The following SMYD3 variants were observed in gnomAD, a reference collection of about 807,000 sequenced individuals.
The protein encoded by SMYD3 is SET and MYND domain containing 3.
Under a neutral mutation model 57.7 loss-of-function variants are expected in SMYD3, and 36 were observed. That is an observed-to-expected ratio of 0.62 (90% CI 0.48 to 0.82). SMYD3 has a LOEUF of 0.82. Ranked by LOEUF, SMYD3 falls within the 40% of genes least tolerant of loss-of-function variation. SMYD3 has a pLI of 0.00. For missense variants in SMYD3, 515 were observed against 538.8 expected (o/e 0.96, Z 0.44); for synonymous variants, 211 against 195.0 (o/e 1.08, Z -0.68).
intron 5 of SMYD3, among the ~76,000 whole-genome samples, chr1:246,306,863 T>C (rs2064987816): frequency 6.6e-6 from 1 of 152,206 alleles, no homozygotes; most frequent in Non-Finnish European, 1.5e-5. Flanking sequence ...TAAGTGACTC[T>C]GTGGTTCCTG....
At chr1:246,057,056 C>T (rs577584753) in intron 5 of SMYD3, among the ~76,000 whole-genome samples, 5 of 152,108 alleles carry the variant, frequency 3.3e-5, no homozygotes, top group African/African-American at 4.8e-5. Flanking sequence ...CCAGCTACTC[C>T]GGAAGCTGTG....
intron 5 of SMYD3, among the ~76,000 whole-genome samples, chr1:246,008,146 C>T (rs1398576429): frequency 6.6e-6 from 1 of 152,224 alleles, no homozygotes; most frequent in Non-Finnish European, 1.5e-5. Context: ...TTCTCTCAGC[C>T]TTTCCTTACC....
intron 5 of SMYD3, among the ~76,000 whole-genome samples, chr1:246,197,881 T>A (rs1349249574): frequency 6.6e-6 from 1 of 152,200 alleles, no homozygotes; most frequent in Non-Finnish European, 1.5e-5. Flanking sequence ...TAAAGTCTAT[T>A]TAAAAAATTT....
chr1:246,272,626 A>G (rs12042203), intron 5 of SMYD3, among the ~76,000 whole-genome samples: 21,377 of 151,992 alleles, frequency 0.14, 2,061 homozygotes, highest in East Asian at 0.42. Flanking sequence ...GCAGTCTGGG[A>G]ATAAATGCCA....
At chr1:245,903,458 C>A (rs1461405460) in intron 8 of SMYD3, among the ~76,000 whole-genome samples, 1 of 152,112 alleles carries the variant, frequency 6.6e-6, no homozygotes, top group Non-Finnish European at 1.5e-5. Flanking sequence ...ATTGCCCCCA[C>A]CCCCACAAGG....
intron 8 of SMYD3, among the ~76,000 whole-genome samples, chr1:245,864,093 A>G (rs556834874): frequency 6.6e-6 from 1 of 152,338 alleles, no homozygotes; most frequent in African/African-American, 2.4e-5. Flanking sequence ...AAGACAGGAT[A>G]ACAGCAAAGG....
chr1:246,369,635 T>C (rs1041160244), intron 1 of SMYD3, among the ~76,000 whole-genome samples: 3 of 152,152 alleles, frequency 2.0e-5, no homozygotes, highest in African/African-American at 7.2e-5. Flanking sequence ...CAGGTGATTC[T>C]CCTACCTCAG....
At chr1:245,826,047 A>T (rs2049472980) in intron 10 of SMYD3, among the ~76,000 whole-genome samples, 2 of 54,052 alleles carry the variant, frequency 3.7e-5, no homozygotes, top group Non-Finnish European at 5.2e-5. Flanking sequence ...ATATTTGTTA[A>T]ATAAAAATGG....
Position 246,248,633 on chromosome 1 carries a change from TTC to T in SMYD3, c.531+78566_531+78567del, listed in dbSNP as rs1404803731. ...CCAGTTATGCAAAAGCTCTCTGACT[TTC>T]CTTTTTTTTTTTTTTTTTTTTTTTG... On this transcript the variant is annotated intron_variant, in intron 5 of 11. Transcript: ENST00000490107. Among the ~76,000 whole-genome samples the T allele has an allele frequency of 5.2e-3, 504 of 96,176 alleles. 7 individuals carry two copies. Among genetic ancestry groups the T allele is most frequent in the East Asian group, 0.019 (26 of 1,346 alleles). 63.1% of individuals were successfully genotyped at this position (96,176 alleles called of 152,430 possible).
At chr1:245,949,968 C>T (rs1407320697) in intron 5 of SMYD3, among the ~76,000 whole-genome samples, 1 of 152,044 alleles carries the variant, frequency 6.6e-6, no homozygotes, top group Non-Finnish European at 1.5e-5. Flanking sequence ...GCACAAGTCA[C>T]TGTCTGTGGA....
chr1:246,141,597 A>C (rs1363287182), intron 5 of SMYD3, among the ~76,000 whole-genome samples: 4 of 152,188 alleles, frequency 2.6e-5, no homozygotes, highest in Non-Finnish European at 4.4e-5. Flanking sequence ...GTGTGCTAGA[A>C]ACTGTGGTAA....
chr1:245,765,046 A>G (rs78917623), intron 10 of SMYD3, among the ~76,000 whole-genome samples: 807 of 39,094 alleles, frequency 0.021, 7 homozygotes, highest in African/African-American at 0.061. Context: ...GGAAATGCCT[A>G]CACACACACA....
At chr1:246,260,803 G>T (rs1350273434) in intron 5 of SMYD3, among the ~76,000 whole-genome samples, 1 of 151,472 alleles carries the variant, frequency 6.6e-6, no homozygotes, top group African/African-American at 2.4e-5. Context: ...AAGTGGCTGA[G>T]GCATGCTACA....
At chr1:246,266,705 T>C (rs529113733) in intron 5 of SMYD3, among the ~76,000 whole-genome samples, 1 of 151,994 alleles carries the variant, frequency 6.6e-6, no homozygotes, top group East Asian at 1.9e-4. Flanking sequence ...GGCAGGAGAA[T>C]TGCTTAACTG....
intron 5 of SMYD3, among the ~76,000 whole-genome samples, chr1:246,292,246 A>C (rs1780803): frequency 9.9e-4 from 83 of 84,218 alleles, no homozygotes; most frequent in African/African-American, 1.4e-3. Context: ...TACTATCCAA[A>C]ACACCAGTGC....
At chr1:246,435,940 C>T (rs2067365438) in intron 1 of SMYD3, among the ~76,000 whole-genome samples, 1 of 152,202 alleles carries the variant, frequency 6.6e-6, no homozygotes, top group Admixed American at 6.5e-5. Context: ...AGGGCAGACA[C>T]TGACCTTAAT....
At chr1:245,835,122 C>CTTTTT (rs11449373) in intron 10 of SMYD3, among the ~76,000 whole-genome samples, 10 of 134,058 alleles carry the variant, frequency 7.5e-5, no homozygotes, top group Admixed American at 1.5e-4. Context: ...GGCAGGTTTC[C>CTTTTT]TTTTTTTTTT....
At chr1:246,094,371 G>A (rs1207341755) in intron 5 of SMYD3, among the ~76,000 whole-genome samples, 1 of 152,162 alleles carries the variant, frequency 6.6e-6, no homozygotes, top group African/African-American at 2.4e-5. Flanking sequence ...ACTACCCTAG[G>A]AGGGCTCTGA....
intron 1 of SMYD3, among the ~76,000 whole-genome samples, chr1:246,471,432 A>G (rs752224853): frequency 1.3e-5 from 2 of 152,192 alleles, no homozygotes; most frequent in African/African-American, 2.4e-5. Context: ...CCTGGCCTCA[A>G]CTGATTCCCC....
Sources: allele counts gnomAD v4.1 joint callset (sites outside exome capture counted in the v4.1 genomes callset), GRCh38; gene constraint gnomAD v4.1.1; transcripts MANE v1.5; gene names NCBI Gene and HGNC (gene_info 2026-07-23, HGNC 2026-07-21).